Variants in ALDH4A1 observed in about 807,000 individuals in gnomAD.
ALDH4A1 encodes aldehyde dehydrogenase 4 family member A1.
A neutral mutation model predicts 70.5 loss-of-function variants in ALDH4A1; 46 were observed. The ratio of observed to expected loss-of-function variants is 0.65; its 90% CI spans 0.51 to 0.83. The LOEUF (loss-of-function observed/expected upper bound fraction) is 0.83. Among genes scored for constraint, ALDH4A1 ranks in the 40% least tolerant of loss-of-function variants. The pLI, the probability that ALDH4A1 is intolerant of heterozygous loss-of-function variation, is 0.00. For missense variants in ALDH4A1, 749 were observed against 766.5 expected, an observed-to-expected ratio of 0.98 and a Z score of 0.27; for synonymous variants, 323 against 324.3, an observed-to-expected ratio of 1.00 and a Z score of 0.04.
chr1:18,874,942 C>T (rs1045025228), intron 13 of ALDH4A1, among the ~76,000 whole-genome samples: 10 of 152,270 alleles, frequency 6.6e-5, no homozygotes, highest in African/African-American at 2.4e-4. Context: ...CTCATAGAGG[C>T]AGACATGGGG....
intron 3 of ALDH4A1, among the ~76,000 whole-genome samples, chr1:18,887,564 A>ACG (rs1935264690): frequency 6.6e-6 from 1 of 151,860 alleles, no homozygotes; most frequent in East Asian, 1.9e-4. Flanking sequence ...GCACCACTGC[A>ACG]CTCCAGCCTG....
chr1:18,875,983 C>T (rs1017054395), intron 12 of ALDH4A1, among the ~76,000 whole-genome samples: 29 of 152,234 alleles, frequency 1.9e-4, no homozygotes, highest in African/African-American at 7.0e-4. Flanking sequence ...GTAACACCCA[C>T]GTCATCTCAG....
intron 1 of ALDH4A1, among the ~76,000 whole-genome samples, chr1:18,901,080 C>T (rs1447011977): frequency 6.6e-6 from 1 of 152,146 alleles, no homozygotes; most frequent in East Asian, 1.9e-4. Context: ...TTTGGCAGAG[C>T]ACCAGCTCAC....
chr1:18,875,332 C>T (rs758188981), intron 13 of ALDH4A1, 50 bp downstream of exon 13: 84 of 1,613,160 alleles, frequency 5.2e-5, no homozygotes, highest in South Asian at 8.8e-5. Flanking sequence ...GATGGGGACA[C>T]GGACAGGACA....
chr1:18,878,722 G>A (rs1395195308), intron 9 of ALDH4A1, among the ~76,000 whole-genome samples: 1 of 152,196 alleles, frequency 6.6e-6, no homozygotes, highest in Non-Finnish European at 1.5e-5. Flanking sequence ...TCAAGGCTCT[G>A]AGAAGTTCTG....
chr1:18,887,370 C>T (rs562180936), intron 3 of ALDH4A1, among the ~76,000 whole-genome samples: 25 of 152,324 alleles, frequency 1.6e-4, no homozygotes, highest in South Asian at 2.1e-4. Context: ...GAGGCCAAGG[C>T]GGGCGGATCA....
chr1:18,875,572 C>A, intron 12 of ALDH4A1, 69 bp from the exon 13 acceptor site: 3 of 1,611,004 alleles, frequency 1.9e-6, no homozygotes, highest in Admixed American at 1.7e-5. Flanking sequence ...CCTCCCAGTG[C>A]CCCTGCTCTG....
chr1:18,874,621 C>T (rs1934591808), intron 13 of ALDH4A1, 40 bp from the exon 14 acceptor site: 1 of 1,598,364 alleles, frequency 6.3e-7, no homozygotes, highest in Non-Finnish European at 8.6e-7. Context: ...ACCAGCTCAT[C>T]TCCCCTCCAG....
intron 10 of ALDH4A1, 40 bp from the exon 11 acceptor site, chr1:18,877,295 A>C (rs1464985686): frequency 6.3e-7 from 1 of 1,584,948 alleles, no homozygotes; most frequent in Non-Finnish European, 8.6e-7. Flanking sequence ...GAGTCACTGC[A>C]GGCCGAGACC....
rs28674731 is a variant in ALDH4A1 at position 18,900,484 on chromosome 1, T to C, written c.62+1978A>G. On this transcript the variant is annotated intron_variant, in intron 1 of 14. Transcript: ENST00000375341. ...CCCCCAGGTAACATCTGACAATGTC[T>C]GGGAACTTGTGTTTCCTGTCAGGGC... is the stretch of plus-strand genomic sequence containing the variant. Among the ~76,000 whole-genome samples the C allele has an allele frequency of 2.4e-3, 373 of 152,366 alleles. 5 individuals are homozygous for C. Among genetic ancestry groups the C allele is most frequent in the African/African-American group, 8.7e-3 (361 of 41,598 alleles).
intron 14 of ALDH4A1, 94 bp downstream of exon 14, chr1:18,874,369 T>C (rs1934576829): frequency 8.4e-7 from 1 of 1,186,404 alleles, no homozygotes; most frequent in Admixed American, 1.7e-5. Context: ...CAGTAAATGG[T>C]ATCCTTCCTA....
chr1:18,885,274 G>T, intron 5 of ALDH4A1, 199 bp downstream of exon 5: 1 of 615,640 alleles, frequency 1.6e-6, no homozygotes, highest in Non-Finnish European at 2.9e-6. Context: ...AGGACACATG[G>T]GCTCTGCACA....
chr1:18,884,666 C>T (rs541109274), intron 5 of ALDH4A1, among the ~76,000 whole-genome samples: 1 of 152,296 alleles, frequency 6.6e-6, no homozygotes, highest in Non-Finnish European at 1.5e-5. Context: ...TTACTATGTC[C>T]AAAAAGCTTG....
At chr1:18,883,863 G>C (rs543572877) in intron 5 of ALDH4A1, among the ~76,000 whole-genome samples, 31 of 152,352 alleles carry the variant, frequency 2.0e-4, no homozygotes, top group African/African-American at 7.2e-4. Flanking sequence ...CGGTGTGTGG[G>C]AGGTGGATGG....
At position 18,874,541 on chromosome 1, in the gene ALDH4A1, C is replaced by T; in HGVS notation, c.1501G>A (p.Ala501Thr). The change falls in exon 14 of 15, where the codon GCC (alanine) becomes ACC (threonine). Residue 501 changes from alanine (A) to threonine (T), a missense_variant. By Grantham distance (58) the Ala-to-Thr change is moderately conservative. Coordinates refer to ENST00000375341, the MANE Select transcript of ALDH4A1 (RefSeq NM_003748.4). Reference protein sequence around the residue: ...QEATKVLRNAAGNFYINDKST... With the variant: ...QEATKVLRNATGNFYINDKST... ...TTGTCGTTGATGTAGAAGTTGCCGG[C>T]AGCATTCCTCAGCACCTTTGTGGCC... is the stretch of plus-strand genomic sequence containing the variant. 1 of 1,614,234 alleles carries T rather than the reference C, an allele frequency of 6.2e-7. No individual in the cohort carries two copies. Among genetic ancestry groups the T allele is most frequent in the Non-Finnish European group, 8.5e-7 (1 of 1,180,026 alleles).
rs1261504623 is a variant in ALDH4A1 at position 18,871,719 on chromosome 1, G to C, written c.*1126C>G. On this transcript the variant is annotated 3_prime_UTR_variant, in exon 15 of 15. Coordinates refer to ENST00000375341, the MANE Select transcript of ALDH4A1 (RefSeq NM_003748.4). Reference sequence around the variant, plus strand: ...TGGAGGAAGACCCAACACTTTCACAGTCCCCTAAGAACCATCCTTGAAAGT... The same window carrying C: ...TGGAGGAAGACCCAACACTTTCACACTCCCCTAAGAACCATCCTTGAAAGT... 6.6e-6 allele frequency: 1 copy of C among 152,310 alleles called. No homozygotes were observed. The highest frequency in any genetic ancestry group is 1.5e-5 in the Non-Finnish European group (1 of 68,122). 9.4% of individuals were successfully genotyped at this position (152,310 alleles called of 1,614,324 possible).
chr1:18,883,139 C>T lies in ALDH4A1; in HGVS notation c.663G>A (p.Gly221=). ...NFTAIGGNLA[G]APALMGNVVL... is the part of the protein sequence containing the mutation. Reference sequence around the variant, plus strand: ...CACATCTCACCATCAGGGCCGGTGCCCCCGCCAGGTTGCCGCCGATTGCAG... The same window carrying T: ...CACATCTCACCATCAGGGCCGGTGCTCCCGCCAGGTTGCCGCCGATTGCAG... Residue 221 remains glycine (G), a synonymous_variant, in exon 7 of 15, where the codon GGG becomes GGA. Transcript: ENST00000375341. 6.2e-7 allele frequency: 1 copy of T among 1,613,190 alleles called. No individual in the cohort carries two copies. The highest frequency in any genetic ancestry group is 8.5e-7 in the Non-Finnish European group (1 of 1,180,050).
In ALDH4A1 at chr1:18,883,378, G is replaced by A; in HGVS notation, c.504C>T (p.Asp168=). ...AEIDAAAELI[D]FFRFNAKYAV... ...CATACTTGGCATTGAACCGGAAGAA[G>A]TCGATGAGTTCCGCTGCAGCGTCAA... The change falls in exon 6 of 15, where the codon GAC becomes GAT. Residue 168 remains aspartate, a synonymous_variant. Transcript: ENST00000375341. 6.2e-7 allele frequency: 1 copy of A among 1,613,536 alleles called. No individual in the cohort carries two copies. The highest frequency in any genetic ancestry group is 8.5e-7 in the Non-Finnish European group (1 of 1,180,048).
chr1:18,877,720 C>G lies in ALDH4A1; in HGVS notation c.941-108G>C, dbSNP rs981798567. On this transcript the variant is annotated intron_variant, in intron 9 of 14. Coordinates refer to ENST00000375341, the MANE Select transcript of ALDH4A1 (RefSeq NM_003748.4). ...CCATGGCCCGGGACCAACACGAGCACGGAGCAGCCCAGAGCGGGCGGAGGC... is the reference window on the plus strand; with the variant it reads ...CCATGGCCCGGGACCAACACGAGCAGGGAGCAGCCCAGAGCGGGCGGAGGC... The G allele has an allele frequency of 5.2e-6, 7 of 1,352,380 alleles. No individual in the cohort carries two copies. In the African/African-American group the frequency reaches 1.0e-4, roughly 19 times the overall value. 83.8% of individuals were successfully genotyped at this position (1,352,380 alleles called of 1,614,324 possible).
Sources: allele counts gnomAD v4.1 joint callset (sites outside exome capture counted in the v4.1 genomes callset), GRCh38; gene constraint gnomAD v4.1.1; transcripts MANE v1.5; gene names NCBI Gene and HGNC (gene_info 2026-07-23, HGNC 2026-07-21).